The following GRID1 variants were observed in gnomAD, a reference collection of about 807,000 sequenced individuals.
GRID1 encodes glutamate ionotropic receptor delta type subunit 1, also known as glutamate receptor ionotropic, delta-1.
Under a neutral mutation model 98.0 loss-of-function variants are expected in GRID1, and 28 were observed. The observed-to-expected ratio is 0.29, with a 90% CI of 0.21 to 0.39. The LOEUF (loss-of-function observed/expected upper bound fraction) is 0.39, where lower values mean the gene tolerates loss of function less well. GRID1 is among the 10% of genes least tolerant of loss of function. GRID1 has a pLI of 1.00. For missense variants in GRID1, 1,111 were observed against 1,340.5 expected (o/e 0.83, Z 2.67); for synonymous variants, 553 against 538.5 (o/e 1.03, Z -0.37).
chr10:85,827,995 T>A (rs1842834664), intron 8 of GRID1, among the ~76,000 whole-genome samples: 1 of 152,172 alleles, frequency 6.6e-6, no homozygotes, highest in Admixed American at 6.5e-5. Context: ...ACTTCTCATT[T>A]GCACATGGCA....
At chr10:85,994,106 C>T (rs1010517433) in intron 4 of GRID1, among the ~76,000 whole-genome samples, 2 of 152,182 alleles carry the variant, frequency 1.3e-5, no homozygotes, top group African/African-American at 2.4e-5. Flanking sequence ...GAGCTGCAAA[C>T]GGCTTTGATT....
chr10:86,065,357 G>C (rs2131916433), intron 4 of GRID1, among the ~76,000 whole-genome samples: 1 of 152,340 alleles, frequency 6.6e-6, no homozygotes, highest in Middle Eastern at 3.4e-3. Context: ...GAGAACTTCT[G>C]CTGCAGCTCT....
At chr10:86,324,750 T>C (rs1291728048) in intron 2 of GRID1, among the ~76,000 whole-genome samples, 3 of 150,888 alleles carry the variant, frequency 2.0e-5, no homozygotes, top group Admixed American at 6.6e-5. Context: ...TAAAAGTAAA[T>C]AGATTAAGTT....
intron 4 of GRID1, among the ~76,000 whole-genome samples, chr10:86,061,719 G>T (rs551584992): frequency 1.7e-3 from 254 of 152,222 alleles, no homozygotes; most frequent in African/African-American, 5.4e-3. Flanking sequence ...ATCCCTGCAT[G>T]CTCAGGCTTC....
At position 85,619,899 on chromosome 10, in the gene GRID1, A is replaced by T. The variant is rs1407423786; in HGVS notation, c.2328T>A (p.His776Gln). ...SSKGYGIALQ[H>Q]GSPYRDLFSQ... ...AGAAGAGGTCCCTGTAGGGGCTGCC[A>T]TGCTGCAGGGCAATCCCGTAACCCT... Residue 776 changes from histidine to glutamine, a missense_variant, in exon 14 of 16, where the codon CAT becomes CAA. Physicochemically the swap from His to Gln is conservative, Grantham distance 24. Around this residue, in one of 3 missense-constraint regions of GRID1, gnomAD observed 762 missense variants for 869.1 expected, o/e 0.88. Transcript: ENST00000327946. 4 of 1,614,052 alleles carry T rather than the reference A, an allele frequency of 2.5e-6. No individual in the cohort carries two copies. The highest frequency in any genetic ancestry group is 2.5e-6 in the Non-Finnish European group (3 of 1,180,002).
At chr10:86,020,799 C>G (rs1409632552) in intron 4 of GRID1, among the ~76,000 whole-genome samples, 4 of 152,174 alleles carry the variant, frequency 2.6e-5, no homozygotes. Context: ...CTGGGAGCAG[C>G]ATCTTCCTGG....
At chr10:85,667,284 A>C (rs1398447622) in intron 12 of GRID1, among the ~76,000 whole-genome samples, 2 of 151,596 alleles carry the variant, frequency 1.3e-5, no homozygotes, top group Non-Finnish European at 2.9e-5. Flanking sequence ...GCATTCTGAT[A>C]TGTAGCAACT....
chr10:86,019,834 C>G (rs1400772973), intron 4 of GRID1, among the ~76,000 whole-genome samples: 1 of 152,220 alleles, frequency 6.6e-6, no homozygotes, highest in Non-Finnish European at 1.5e-5. Context: ...GCATGTATAC[C>G]CAGGGCCAGG....
At chr10:85,957,724 G>A (rs963041452) in intron 4 of GRID1, among the ~76,000 whole-genome samples, 9 of 152,180 alleles carry the variant, frequency 5.9e-5, no homozygotes, top group Non-Finnish European at 1.3e-4. Context: ...CTGCTCTGCA[G>A]GCCATGCTCT....
intron 6 of GRID1, among the ~76,000 whole-genome samples, chr10:85,856,623 G>A (rs868386610): frequency 6.6e-6 from 1 of 152,238 alleles, no homozygotes; most frequent in African/African-American, 2.4e-5. Flanking sequence ...CAGTCCACCA[G>A]AGTTTTTTGT....
At chr10:86,158,965 C>G (rs1845283499) in intron 3 of GRID1, among the ~76,000 whole-genome samples, 1 of 152,172 alleles carries the variant, frequency 6.6e-6, no homozygotes. Flanking sequence ...GCGATCTTGG[C>G]TCACTGCAAG....
chr10:85,606,658 T>TG (rs1355735990), intron 15 of GRID1: 2 of 152,196 alleles, frequency 1.3e-5, no homozygotes, highest in East Asian at 3.9e-4. Flanking sequence ...AAGCATGGTC[T>TG]GCTTGTATTA....
At chr10:86,148,897 T>C (rs1256816888) in intron 3 of GRID1, among the ~76,000 whole-genome samples, 2 of 152,128 alleles carry the variant, frequency 1.3e-5, no homozygotes, top group Admixed American at 6.5e-5. Context: ...GACAACCACC[T>C]CTCTGAGCCT....
intron 2 of GRID1, among the ~76,000 whole-genome samples, chr10:86,245,777 C>T (rs1176865595): frequency 6.6e-6 from 1 of 152,258 alleles, no homozygotes; most frequent in Non-Finnish European, 1.5e-5. Flanking sequence ...AGAAAGGAAG[C>T]CCCCGCTTCC....
chr10:85,627,824 G>C (rs943784424), intron 13 of GRID1, among the ~76,000 whole-genome samples: 1 of 152,196 alleles, frequency 6.6e-6, no homozygotes, highest in East Asian at 1.9e-4. Flanking sequence ...GGCTCAACGC[G>C]AGTTCCGTTT....
rs563634273 is a variant in GRID1, at chr10:85,917,259, G to GT, written c.727-1021dup. Among the ~76,000 whole-genome samples the GT allele has an allele frequency of 3.9e-3, 592 of 151,718 alleles. 2 individuals carry two copies. Among genetic ancestry groups the GT allele is most frequent in the Non-Finnish European group, 5.3e-3 (357 of 67,960 alleles). On this transcript the variant is annotated intron_variant, in intron 4 of 15. Transcript: ENST00000327946. ...ACAAGAGCTATCAGATTGGAGTCCT[G>GT]TTTTTTTGTTTGTAATGTAATTTTA...
At chr10:85,817,396 T>C (rs1842725295) in intron 8 of GRID1, among the ~76,000 whole-genome samples, 1 of 151,964 alleles carries the variant, frequency 6.6e-6, no homozygotes, top group Non-Finnish European at 1.5e-5. Context: ...CATGGTGGCA[T>C]GTCCCTATGG....
chr10:86,315,367 C>T (rs1338879562), intron 2 of GRID1, among the ~76,000 whole-genome samples: 7 of 152,158 alleles, frequency 4.6e-5, no homozygotes, highest in Non-Finnish European at 8.8e-5. Flanking sequence ...GCAAGGAGGG[C>T]TGAGGCATCA....
intron 4 of GRID1, among the ~76,000 whole-genome samples, chr10:86,003,217 T>C (rs1842821255): frequency 6.6e-6 from 1 of 152,156 alleles, no homozygotes; most frequent in Non-Finnish European, 1.5e-5. Context: ...ATAGAGTTGA[T>C]GATGAAGAGC....
Sources: allele counts gnomAD v4.1 joint callset (sites outside exome capture counted in the v4.1 genomes callset), GRCh38; gene constraint gnomAD v4.1.1; regional missense constraint gnomAD v4.1.1; transcripts MANE v1.5; gene names NCBI Gene and HGNC (gene_info 2026-07-23, HGNC 2026-07-21).